PDE1A: variants seen among roughly 807,000 people sequenced by gnomAD.
The protein encoded by PDE1A is phosphodiesterase 1A.
Under a neutral mutation model 61.7 loss-of-function variants are expected in PDE1A, and 35 were observed. That is an observed-to-expected ratio of 0.57 (90% confidence interval 0.43 to 0.75). PDE1A has a LOEUF of 0.75. Among genes scored for constraint, PDE1A ranks in the 30% least tolerant of loss-of-function variants. The pLI is 0.00. For synonymous variants in PDE1A, 232 were observed against 213.2 expected (o/e 1.09, Z -0.77); for missense variants, 597 against 630.6 (o/e 0.95, Z 0.57).
At chr2:182,397,570 C>T (rs1034612349) in intron 1 of PDE1A, among the ~76,000 whole-genome samples, 5 of 152,098 alleles carry the variant, frequency 3.3e-5, no homozygotes, top group African/African-American at 9.6e-5. Flanking sequence ...ATAAGAAAAC[C>T]GATAAGGAGG....
At chr2:182,320,707 C>T (rs568459910) in intron 1 of PDE1A, among the ~76,000 whole-genome samples, 2 of 152,110 alleles carry the variant, frequency 1.3e-5, no homozygotes, top group Admixed American at 6.6e-5. Flanking sequence ...TAGCTAACTT[C>T]AGTTGAATAA....
the PDE1A span, among the ~76,000 whole-genome samples, chr2:182,601,218 TCCGGC>T: frequency 6.6e-6 from 1 of 151,998 alleles, no homozygotes; most frequent in Non-Finnish European, 1.5e-5. Context: ...GAGTGTAGGG[TCCGGC>T]CACTGCACAT....
chr2:182,283,602 A>G (rs1259145349), intron 1 of PDE1A, among the ~76,000 whole-genome samples: 4 of 152,130 alleles, frequency 2.6e-5, no homozygotes, highest in Non-Finnish European at 5.9e-5. Flanking sequence ...GCTCAGAAAA[A>G]AATGAGTTAA....
At chr2:182,696,050 T>C in the PDE1A span, among the ~76,000 whole-genome samples, 1 of 152,198 alleles carries the variant, frequency 6.6e-6, no homozygotes, top group Non-Finnish European at 1.5e-5. Context: ...GAAGACAGTT[T>C]GGCAGTTTCT....
chr2:182,249,600 T>A lies in PDE1A; in HGVS notation c.168-9308A>T, dbSNP rs961384967. ...AGATGGAGGAATTAAGGGTGGTTCA[T>A]CTTTCCATAGTAGGAATACTCTTGT... is the stretch of plus-strand genomic sequence containing the variant. On this transcript the variant is annotated intron_variant, in intron 2 of 13. Transcript: ENST00000351439. Among the ~76,000 whole-genome samples, 27 of 152,268 alleles carry A rather than the reference T, an allele frequency of 1.8e-4. No homozygotes were observed. The Middle Eastern group carries it at 0.017, about 96-fold the overall frequency.
At chr2:182,231,282 C>A (rs985801101) in intron 4 of PDE1A, 151 bp from the exon 5 acceptor site, 1 of 607,006 alleles carries the variant, frequency 1.6e-6, no homozygotes, top group Non-Finnish European at 2.9e-6. Context: ...AGGACAGGAC[C>A]ACTTAGTATC....
intron 8 of PDE1A, 61 bp from the exon 9 acceptor site, chr2:182,201,850 C>A (rs1328968870): frequency 1.1e-5 from 11 of 988,838 alleles, no homozygotes; most frequent in African/African-American, 1.6e-5. Context: ...AAGTGGAACA[C>A]TTCAATAAAT....
rs556269293 is a variant in PDE1A, at chr2:182,469,605, T to C, written c.101+52671A>G. On this transcript the variant is annotated intron_variant, in intron 2 of 14. Transcript: ENST00000410103. ...CATATGTTCACTAGGATAGCACTTT[T>C]AATTTTCATCAATACTTTTCCTTTG... Among the ~76,000 whole-genome samples, 57 of 152,116 alleles carry C rather than the reference T, an allele frequency of 3.7e-4. 1 individual carries two copies. Among genetic ancestry groups the C allele is most frequent in the Middle Eastern group, 3.4e-3 (1 of 294 alleles).
chr2:182,522,721 T>G, exon 1 of PDE1A: 2 of 973,226 alleles, frequency 2.1e-6, no homozygotes, highest in Non-Finnish European at 2.5e-6. Flanking sequence ...TTCTGTGCAC[T>G]GAAGCACATC....
intron 1 of PDE1A, among the ~76,000 whole-genome samples, chr2:182,405,408 A>T (rs2125480139): frequency 6.6e-6 from 1 of 152,348 alleles, no homozygotes; most frequent in African/African-American, 2.4e-5. Flanking sequence ...TGTAGTTCAC[A>T]ATGCTAAGTT....
At chr2:182,638,817 C>G in the PDE1A span, among the ~76,000 whole-genome samples, 2 of 152,160 alleles carry the variant, frequency 1.3e-5, no homozygotes, top group South Asian at 4.1e-4. Context: ...GATGATAAAA[C>G]TATCACCTTT....
At chr2:182,527,328 AT>A (rs1200764237), upstream of PDE1A, among the ~76,000 whole-genome samples, 705 of 9,166 alleles carry the variant, frequency 0.077, 122 homozygotes, top group African/African-American at 0.14. Context: ...AAAAAAAAAA[AT>A]ATATATATAT....
chr2:182,409,156 T>A (rs1559432374), intron 1 of PDE1A, among the ~76,000 whole-genome samples: 1 of 152,206 alleles, frequency 6.6e-6, no homozygotes, highest in South Asian at 2.1e-4. Context: ...TCCTCCCTTC[T>A]CCTTTTACAT....
the PDE1A span, among the ~76,000 whole-genome samples, chr2:182,579,204 T>C: frequency 6.6e-6 from 1 of 152,236 alleles, no homozygotes; most frequent in Non-Finnish European, 1.5e-5. Flanking sequence ...TACTTATTAG[T>C]TGACCATCTC....
chr2:182,535,700 C>T, the PDE1A span, among the ~76,000 whole-genome samples: 3 of 152,098 alleles, frequency 2.0e-5, no homozygotes, highest in Admixed American at 2.0e-4. Flanking sequence ...ATTCTACTAA[C>T]TGTGAATATT....
chr2:182,388,769 T>C (rs1162374777), intron 1 of PDE1A, among the ~76,000 whole-genome samples: 2 of 151,248 alleles, frequency 1.3e-5, no homozygotes, highest in Non-Finnish European at 2.9e-5. Flanking sequence ...CAAGAACAAA[T>C]TAAGCTTAAA....
the PDE1A span, among the ~76,000 whole-genome samples, chr2:182,558,220 A>G: frequency 6.6e-6 from 1 of 151,648 alleles, no homozygotes; most frequent in African/African-American, 2.4e-5. Flanking sequence ...ACATTACAAC[A>G]GTTTGACAAC....
the PDE1A span, among the ~76,000 whole-genome samples, chr2:182,664,676 T>C: frequency 6.6e-6 from 1 of 152,154 alleles, no homozygotes; most frequent in Non-Finnish European, 1.5e-5. Flanking sequence ...AAAGACACCA[T>C]TGCCCATCTA....
the PDE1A span, among the ~76,000 whole-genome samples, chr2:182,538,204 G>T: frequency 6.6e-6 from 1 of 152,026 alleles, no homozygotes; most frequent in Non-Finnish European, 1.5e-5. Flanking sequence ...AAAATATCAG[G>T]CCACATCAGG....
Sources: allele counts gnomAD v4.1 joint callset (sites outside exome capture counted in the v4.1 genomes callset), GRCh38; gene constraint gnomAD v4.1.1; transcripts MANE v1.5; gene names NCBI Gene and HGNC (gene_info 2026-07-23, HGNC 2026-07-21).